Variants in DEPDC4 observed in about 807,000 individuals in gnomAD.
DEPDC4 encodes the protein DEP domain-containing protein 4.
Under a neutral mutation model 52.0 loss-of-function variants are expected in DEPDC4, and 52 were observed. The observed-to-expected ratio is 1.00, with a 90% CI of 0.80 to 1.26. The LOEUF is 1.26. Ranked by LOEUF, DEPDC4 falls within the 50% of genes most tolerant of loss-of-function variation. The probability of loss-of-function intolerance (pLI) is 0.00; values close to 1 mark genes in which losing one functional copy is unlikely to be tolerated. For synonymous variants in DEPDC4, 201 were observed against 196.8 expected (o/e 1.02, Z -0.18); for missense variants, 530 against 546.9 (o/e 0.97, Z 0.31).
At chr12:100,272,129 C>T in the DEPDC4 span, among the ~76,000 whole-genome samples, 18 of 152,208 alleles carry the variant, frequency 1.2e-4, no homozygotes, top group African/African-American at 4.3e-4. Context: ...GAAGCTACCC[C>T]AAATCCTATT....
chr12:100,231,958 G>T (rs1381425442), intron 9 of DEPDC4, among the ~76,000 whole-genome samples: 2 of 151,538 alleles, frequency 1.3e-5, no homozygotes, highest in African/African-American at 2.4e-5. Context: ...AAAAAAAAAA[G>T]AATTATTAGG....
In DEPDC4 at chr12:100,243,037, C is replaced by T. The variant is rs1037986828; in HGVS notation, c.1454-468G>A. 3.3e-5 allele frequency among the ~76,000 whole-genome samples: 5 copies of T among 152,248 alleles called. No individual in the cohort carries two copies. The East Asian group carries it at 9.6e-4, about 29-fold the overall frequency. On this transcript the variant is annotated intron_variant, in intron 8 of 9. Coordinates refer to ENST00000550587, the MANE Select transcript of DEPDC4 (RefSeq NM_001364818.2). ...TGTACTATGTTTTTTCCTATATATA[C>T]ATACCTATATTAAAGTTTAATTTAT...
intron 8 of DEPDC4, among the ~76,000 whole-genome samples, chr12:100,247,121 A>C (rs2096188605): frequency 6.6e-6 from 1 of 151,474 alleles, no homozygotes; most frequent in Non-Finnish European, 1.5e-5. Flanking sequence ...GAAAAATATT[A>C]TCAGAAAACT....
Position 100,241,739 on chromosome 12 carries a change from G to A in DEPDC4, c.*153C>T, listed in dbSNP as rs1210575962. On this transcript the variant is annotated 3_prime_UTR_variant, in exon 10 of 10. Transcript: ENST00000550587. ...ATTTCTTTTTTCGTTTCAGAGAGAT[G>A]CTGGGGTTACTATTAATCTCAAGAG... 5 of 1,275,014 alleles carry A rather than the reference G, an allele frequency of 3.9e-6. No individual in the cohort carries two copies. In the East Asian group the frequency reaches 2.9e-4, roughly 73 times the overall value. The allele number at this position is 1,275,014 out of a possible 1,614,324, so 79.0% of individuals were successfully genotyped here.
chr12:100,278,720 C>T, the DEPDC4 span, among the ~76,000 whole-genome samples: 1 of 151,248 alleles, frequency 6.6e-6, no homozygotes, highest in East Asian at 2.0e-4. Context: ...ACCTTCACCT[C>T]CCGGGTTCAA....
chr12:100,246,894 G>A lies in DEPDC4; in HGVS notation c.1453+2006C>T, dbSNP rs1054347314. Among the ~76,000 whole-genome samples the A allele has an allele frequency of 8.6e-5, 13 of 151,894 alleles. No homozygotes were observed. The East Asian group carries it at 1.6e-3, about 18-fold the overall frequency. ...CGGAGGTTGCAGTGAGCCGAGATGCGCCATTGCACTCCAGCCTGGGCGACA... is the reference window on the plus strand; with the variant it reads ...CGGAGGTTGCAGTGAGCCGAGATGCACCATTGCACTCCAGCCTGGGCGACA... On this transcript the variant is annotated intron_variant, in intron 8 of 9. Transcript: ENST00000550587.
chr12:100,262,400 A>T lies in DEPDC4; in HGVS notation c.564T>A (p.Tyr188Ter). 1 of 1,607,106 alleles carries T rather than the reference A, an allele frequency of 6.2e-7. No homozygotes were observed. The highest frequency in any genetic ancestry group is 8.5e-7 in the Non-Finnish European group (1 of 1,178,630). The change falls in exon 3 of 10, where the codon TAT (tyrosine) becomes TAA (stop). Residue 188 changes from tyrosine (Y) to a stop codon, truncating the protein, a stop_gained. Coordinates refer to ENST00000550587, the MANE Select transcript of DEPDC4 (RefSeq NM_001364818.2). LOFTEE classifies it high-confidence loss of function. ...GTGCTAGAGGATTTGAAATCATTTC[A>T]TATCCTGGTCTGTTAAAAAATAATA... ...NEFNETLRPGYEMISNPLAQE... is the reference protein window; with the variant it reads ...NEFNETLRPG
Position 100,241,611 on chromosome 12 carries a change from G to T in DEPDC4, c.*281C>A. On this transcript the variant is annotated 3_prime_UTR_variant, in exon 10 of 10. Coordinates refer to ENST00000550587, the MANE Select transcript of DEPDC4 (RefSeq NM_001364818.2). ...CTCTGAAGTGTAAGTATGGCAATTT[G>T]AGAAAACCACCAGAGAATTGTTTAT... 1.0e-6 allele frequency: 1 copy of T among 999,946 alleles called. No individual in the cohort carries two copies. Among genetic ancestry groups the T allele is most frequent in the Non-Finnish European group, 1.2e-6 (1 of 800,928 alleles). The allele number at this position is 999,946 out of a possible 1,614,324, so 61.9% of individuals were successfully genotyped here.
chr12:100,248,947 T>C lies in DEPDC4; in HGVS notation c.1406A>G (p.Lys469Arg), dbSNP rs1384502006. The change falls in exon 8 of 10, where the codon AAG (lysine) becomes AGG (arginine). Residue 469 changes from lysine to arginine, a missense_variant. Physicochemically the swap from Lys to Arg is conservative, Grantham distance 26 (BLOSUM62 2). Coordinates refer to ENST00000550587, the MANE Select transcript of DEPDC4 (RefSeq NM_001364818.2). ...TPVTLLDLVS[K>R]KLKKLLHGED... ...TCCATGTAGAAGCTTCTTAAGTTTC[T>C]TACTAACCAGATCCAATAAAGTAAC... 46 of 985,516 alleles carry C rather than the reference T, an allele frequency of 4.7e-5. No individual in the cohort carries two copies. The highest frequency in any genetic ancestry group is 5.2e-5 in the Non-Finnish European group (43 of 829,702). 61.0% of individuals were successfully genotyped at this position (985,516 alleles called of 1,614,324 possible).
At chr12:100,237,455 A>G (rs1256083957), downstream of DEPDC4, among the ~76,000 whole-genome samples, 5 of 151,974 alleles carry the variant, frequency 3.3e-5, no homozygotes, top group Admixed American at 3.3e-4. Flanking sequence ...TGATCCACCC[A>G]CCTTGGCCTC....
At chr12:100,258,375 T>A (rs1440968453) in intron 3 of DEPDC4, among the ~76,000 whole-genome samples, 4 of 151,932 alleles carry the variant, frequency 2.6e-5, no homozygotes, top group African/African-American at 9.7e-5. Flanking sequence ...AATATCTGAA[T>A]AAGAGATCGG....
chr12:100,274,314 T>C, the DEPDC4 span, among the ~76,000 whole-genome samples: 3 of 152,218 alleles, frequency 2.0e-5, no homozygotes, highest in Admixed American at 1.3e-4. Flanking sequence ...AGCTGGAGTT[T>C]TTTTGTCAAG....
chr12:100,255,986 C>G (rs796880352), intron 4 of DEPDC4, 63 bp downstream of exon 4: 1 of 1,255,452 alleles, frequency 8.0e-7, no homozygotes, highest in Non-Finnish European at 1.1e-6. Context: ...TCCTAAAATA[C>G]TAAGGGCAAA....
intron 3 of DEPDC4, chr12:100,261,638 C>G (rs2096253939): frequency 1.3e-5 from 6 of 450,326 alleles, no homozygotes; most frequent in Non-Finnish European, 2.7e-5. Flanking sequence ...CGTATGTTTT[C>G]TCTTGCAGTG....
the DEPDC4 span, among the ~76,000 whole-genome samples, chr12:100,275,655 G>T: frequency 2.6e-5 from 4 of 152,116 alleles, no homozygotes; most frequent in East Asian, 5.8e-4. Flanking sequence ...TTTGCAGTCC[G>T]AATGCCTTTT....
upstream of DEPDC4, among the ~76,000 whole-genome samples, chr12:100,270,695 G>A (rs151163659): frequency 6.2e-3 from 923 of 147,794 alleles, 3 homozygotes; most frequent in Middle Eastern, 0.018. Context: ...GGCTGGTCTC[G>A]AACTCCTGAG....
At chr12:100,273,998 G>C in the DEPDC4 span, among the ~76,000 whole-genome samples, 2 of 152,184 alleles carry the variant, frequency 1.3e-5, no homozygotes, top group African/African-American at 4.8e-5. Flanking sequence ...ATCAACAGCA[G>C]ATGTTCATAG....
intron 4 of DEPDC4, 28 bp from the exon 5 acceptor site, chr12:100,253,743 A>C: frequency 8.4e-7 from 1 of 1,183,616 alleles, no homozygotes; most frequent in Non-Finnish European, 1.1e-6. Context: ...ACCAAAATAA[A>C]GCAATGGTTA....
chr12:100,266,127 T>C (rs2096271861), intron 1 of DEPDC4, among the ~76,000 whole-genome samples: 1 of 152,152 alleles, frequency 6.6e-6, no homozygotes, highest in African/African-American at 2.4e-5. Context: ...GGGAATAACT[T>C]AGAACTTCTA....
Sources: gnomAD v4.1 joint callset for allele counts (sites outside exome capture counted in the v4.1 genomes callset) on GRCh38, gnomAD v4.1.1 for gene constraint, MANE v1.5 for transcripts, NCBI Gene and HGNC (gene_info 2026-07-23, HGNC 2026-07-21) for gene names.